Variants in RBFOX3 observed in about 807,000 individuals in gnomAD.
RBFOX3 encodes the protein RNA binding protein fox-1 homolog 3.
A neutral mutation model predicts 48.7 loss-of-function variants in RBFOX3; 17 were observed. That is an observed-to-expected ratio of 0.35 (90% confidence interval 0.24 to 0.52). The LOEUF is 0.52. RBFOX3 is among the 20% of genes least tolerant of loss of function. The probability of loss-of-function intolerance (pLI) is 0.94; values close to 1 mark genes in which losing one functional copy is unlikely to be tolerated. For synonymous variants in RBFOX3, 212 were observed against 209.5 expected, an observed-to-expected ratio of 1.01 and a Z score of -0.10; for missense variants, 382 against 497.5, an observed-to-expected ratio of 0.77 and a Z score of 2.21.
intron 1 of RBFOX3, among the ~76,000 whole-genome samples, chr17:79,498,907 TATGGCTAC>T (rs370105764): frequency 7.3e-6 from 1 of 136,082 alleles, no homozygotes; most frequent in African/African-American, 2.8e-5. Flanking sequence ...CATCCATCCA[TATGGCTAC>T]CCATCCATCC....
chr17:79,217,814 GAGAACACGGC>G (rs1449307427), intron 4 of RBFOX3, among the ~76,000 whole-genome samples: 1 of 152,162 alleles, frequency 6.6e-6, no homozygotes, highest in Non-Finnish European at 1.5e-5. Flanking sequence ...AAGCCCAAAG[GAGAACACGGC>G]AGATGTTCAG....
In RBFOX3 at chr17:79,205,861, G is replaced by A. The variant is rs2057412681; in HGVS notation, c.-34+29905C>T. Among the ~76,000 whole-genome samples the A allele has an allele frequency of 6.8e-6, 1 of 147,228 alleles. No individual in the cohort carries two copies. The highest frequency in any genetic ancestry group is 6.8e-5 in the Admixed American group (1 of 14,800). On this transcript the variant is annotated intron_variant, in intron 4 of 14. Coordinates refer to ENST00000693108, the MANE Select transcript of RBFOX3 (RefSeq NM_001350451.2). The surrounding 1 kb of genome is among the most constrained non-coding windows in gnomAD (Gnocchi z 4.5). Reference sequence around the variant, plus strand: ...GGCTTTTTTTTTTTTTTTCCTTAAAGTAGTTTGCTTTTACATAGGAAGGAC... The same window carrying A: ...GGCTTTTTTTTTTTTTTTCCTTAAAATAGTTTGCTTTTACATAGGAAGGAC...
At chr17:79,180,853 C>T (rs934631898) in intron 4 of RBFOX3, among the ~76,000 whole-genome samples, 7 of 151,988 alleles carry the variant, frequency 4.6e-5, no homozygotes, top group Non-Finnish European at 8.8e-5. Flanking sequence ...CCCGGGGCAA[C>T]AGCAGGCTCT....
rs901701800 is a variant in RBFOX3 at position 79,106,639 on chromosome 17, G to A, written c.360+12C>T. 6.9e-6 allele frequency: 10 copies of A among 1,455,976 alleles called. No individual in the cohort carries two copies. The highest frequency in any genetic ancestry group is 6.0e-5 in the African/African-American group (4 of 66,838). 90.2% of individuals were successfully genotyped at this position (1,455,976 alleles called of 1,614,324 possible). A position where few individuals can be genotyped will look rare whatever the true frequency, so the allele number is the denominator to read the frequency against. On this transcript the variant is annotated intron_variant, in intron 6 of 14. Transcript: ENST00000693108. ...TGTGGAGGGCAGGATGGGTGGGGCCGCGCACACTCACCCCGAACATTTGCC... is the reference window on the plus strand; with the variant it reads ...TGTGGAGGGCAGGATGGGTGGGGCCACGCACACTCACCCCGAACATTTGCC...
At chr17:79,256,253 A>G (rs149072173) in intron 3 of RBFOX3, among the ~76,000 whole-genome samples, 47 of 152,150 alleles carry the variant, frequency 3.1e-4, no homozygotes, top group African/African-American at 1.1e-3. Flanking sequence ...TGGGGCTTCT[A>G]TTCCCATAAA....
At chr17:79,192,277 C>G (rs1172735283) in intron 4 of RBFOX3, among the ~76,000 whole-genome samples, 1 of 152,218 alleles carries the variant, frequency 6.6e-6, no homozygotes, top group Non-Finnish European at 1.5e-5. Context: ...TAGCCGCTCC[C>G]GGCCTTTCCT....
At chr17:79,296,271 C>A (rs189588536) in intron 3 of RBFOX3, among the ~76,000 whole-genome samples, 1 of 150,850 alleles carries the variant, frequency 6.6e-6, no homozygotes, top group African/African-American at 2.5e-5. Flanking sequence ...ACCCCCACCC[C>A]GCAAAAAGGC....
the RBFOX3 span, among the ~76,000 whole-genome samples, chr17:79,627,964 C>T: frequency 4.6e-5 from 7 of 151,376 alleles, no homozygotes; most frequent in Non-Finnish European, 1.0e-4. Flanking sequence ...GAGCCCCCAT[C>T]ACTCCCCTGG....
At chr17:79,138,954 C>CCCCCCTCA (rs1568207935) in intron 4 of RBFOX3, among the ~76,000 whole-genome samples, 1 of 126,022 alleles carries the variant, frequency 7.9e-6, no homozygotes, top group African/African-American at 3.4e-5. Flanking sequence ...CCCCTCAGCC[C>CCCCCCTCA]CACACATGCA....
At chr17:79,304,076 T>G (rs577613573) in intron 3 of RBFOX3, among the ~76,000 whole-genome samples, 162 of 152,308 alleles carry the variant, frequency 1.1e-3, no homozygotes, top group Admixed American at 0.01. Flanking sequence ...GTCTCCTTTA[T>G]AATGTGAATA....
Position 79,095,517 on chromosome 17 carries a change from C to T in RBFOX3, c.994G>A (p.Asp332Asn), listed in dbSNP as rs1217852980. 4.5e-6 allele frequency: 7 copies of T among 1,551,204 alleles called. No individual in the cohort carries two copies. Among genetic ancestry groups the T allele is most frequent in the Admixed American group, 2.0e-5 (1 of 50,972 alleles). ...QPAAAAAAYSDSYGRVYAAAD... is the reference protein window; with the variant it reads ...QPAAAAAAYSNSYGRVYAAAD... ...AGTGCTGGCCCCCGGCCTCACCTGT[C>T]GCTGTAGGCTGCCGCCGCTGCAGCG... The change falls in exon 13 of 15, where the codon GAC (aspartate) becomes AAC (asparagine). Residue 332 changes from aspartate to asparagine, a missense_variant. Asp to Asn is a conservative substitution (Grantham distance 23). Transcript: ENST00000693108.
At chr17:79,593,682 T>C (rs1305715280) in intron 1 of RBFOX3, among the ~76,000 whole-genome samples, 2 of 152,232 alleles carry the variant, frequency 1.3e-5, no homozygotes, top group East Asian at 3.8e-4. Flanking sequence ...CTCCTGCAAA[T>C]GTTAGTTTTC....
At chr17:79,194,949 G>T (rs1196460218) in intron 4 of RBFOX3, among the ~76,000 whole-genome samples, 1 of 152,176 alleles carries the variant, frequency 6.6e-6, no homozygotes, top group African/African-American at 2.4e-5. Flanking sequence ...GGGTGCTGAA[G>T]AATTAAGCAT....
chr17:79,606,910 T>C (rs1479514688), intron 1 of RBFOX3, among the ~76,000 whole-genome samples: 6 of 152,168 alleles, frequency 3.9e-5, no homozygotes, highest in African/African-American at 1.4e-4. Flanking sequence ...GAGGAAGAGA[T>C]AGACGGACAG....
At chr17:79,562,704 G>A (rs1409988377) in intron 1 of RBFOX3, among the ~76,000 whole-genome samples, 1 of 152,156 alleles carries the variant, frequency 6.6e-6, no homozygotes, top group Non-Finnish European at 1.5e-5. Flanking sequence ...ATGGAGGGTG[G>A]GCCCCGGCCC....
chr17:79,556,062 C>T (rs1361479185), intron 1 of RBFOX3, among the ~76,000 whole-genome samples: 5 of 152,122 alleles, frequency 3.3e-5, no homozygotes, highest in East Asian at 1.9e-4. Context: ...AATGTCAGAG[C>T]GGGAAAGCAT....
At chr17:79,483,685 G>C (rs1649547900) in intron 1 of RBFOX3, among the ~76,000 whole-genome samples, 1 of 151,740 alleles carries the variant, frequency 6.6e-6, no homozygotes, top group African/African-American at 2.4e-5. Flanking sequence ...CTGAGGGCAG[G>C]CATCCACAAC....
rs1344864485 is a variant in RBFOX3 at position 79,443,337 on chromosome 17, C to A, written c.-175+39117G>T. ...TGCCAAACACACACTCACATAAATG[C>A]AGTCATGCTTAGACACACACAAATG... On this transcript the variant is annotated intron_variant, in intron 2 of 14. Coordinates refer to ENST00000693108, the MANE Select transcript of RBFOX3 (RefSeq NM_001350451.2). This position sits in a 1 kb window ranked among gnomAD's most constrained non-coding sequence, Gnocchi z 4.4. 6.6e-6 allele frequency among the ~76,000 whole-genome samples: 1 copy of A among 152,228 alleles called. No individual in the cohort carries two copies. The highest frequency in any genetic ancestry group is 1.5e-5 in the Non-Finnish European group (1 of 68,032).
Position 79,204,685 on chromosome 17 carries a change from T to A in RBFOX3, c.-34+31081A>T, listed in dbSNP as rs578066971. On this transcript the variant is annotated intron_variant, in intron 4 of 14. Coordinates refer to ENST00000693108, the MANE Select transcript of RBFOX3 (RefSeq NM_001350451.2). The surrounding 1 kb of genome is among the most constrained non-coding windows in gnomAD (Gnocchi z 4.5). ...TGGGGTGGGGGACCGCTGAGGCATT[T>A]GGAAAGCTTCGTGGTGAGTGCCTTC... Among the ~76,000 whole-genome samples, 25 of 152,238 alleles carry A rather than the reference T, an allele frequency of 1.6e-4. No individual in the cohort carries two copies. Among genetic ancestry groups the A allele is most frequent in the African/African-American group, 5.5e-4 (23 of 41,526 alleles).
Sources: gnomAD v4.1 joint callset for allele counts (sites outside exome capture counted in the v4.1 genomes callset) on GRCh38, gnomAD v4.1.1 for gene constraint, Gnocchi (gnomAD v3.1) non-coding constraint, MANE v1.5 for transcripts, NCBI Gene and HGNC (gene_info 2026-07-23, HGNC 2026-07-21) for gene names.